The following KIF3C variants were observed in gnomAD, a reference collection of about 807,000 sequenced individuals.
The protein encoded by KIF3C is kinesin-like protein KIF3C.
KIF3C carries 12 observed loss-of-function variants against 67.7 expected under a neutral mutation model. The observed-to-expected ratio is 0.18, with a 90% confidence interval of 0.11 to 0.29. The LOEUF (loss-of-function observed/expected upper bound fraction) is 0.29, where lower values mean the gene tolerates loss of function less well. Ranked by LOEUF, KIF3C falls within the 10% of genes least tolerant of loss-of-function variation. The pLI is 1.00. For missense variants in KIF3C, 789 were observed against 1,059.6 expected, an observed-to-expected ratio of 0.74 and a Z score of 3.55; for synonymous variants, 393 against 426.2, an observed-to-expected ratio of 0.92 and a Z score of 0.96.
intron 1 of KIF3C, among the ~76,000 whole-genome samples, chr2:25,974,830 C>T (rs1435898860): frequency 6.6e-6 from 1 of 151,884 alleles, no homozygotes; most frequent in Non-Finnish European, 1.5e-5. Flanking sequence ...AGTTTGAGAC[C>T]AGCCTGACCA....
intron 1 of KIF3C, among the ~76,000 whole-genome samples, chr2:25,969,369 A>C (rs1310839166): frequency 2.6e-5 from 4 of 152,140 alleles, no homozygotes; most frequent in Non-Finnish European, 5.9e-5. Flanking sequence ...AATTCAGATT[A>C]ATTTTTGTTT....
Position 25,980,640 on chromosome 2 carries a change from C to T in KIF3C, c.1278G>A (p.Val426=), listed in dbSNP as rs182109310. ...SAPPGYPEGP[V]IEAWVAEEED... The stretch of plus-strand genomic sequence containing the variant: ...CCTCTTCTGCCACCCAGGCCTCAAT[C>T]ACTGGGCCCTCAGGGTACCCAGGCG... The change falls in exon 1 of 8, where the codon GTG becomes GTA. Residue 426 remains valine, a synonymous_variant. Transcript: ENST00000264712. This position sits in a 1 kb window ranked among gnomAD's most constrained non-coding sequence, Gnocchi z 7.6. The T allele has an allele frequency of 1.3e-5, 21 of 1,614,062 alleles. No homozygotes were observed. The Admixed American group carries it at 3.5e-4, about 27-fold the overall frequency.
intron 1 of KIF3C, among the ~76,000 whole-genome samples, chr2:25,964,626 C>T (rs373906644): frequency 1.3e-4 from 20 of 152,112 alleles, no homozygotes; most frequent in South Asian, 4.2e-4. Context: ...GCCAGCATGC[C>T]GGCTAATTTT....
chr2:25,943,642 G>A (rs1375460876), intron 5 of KIF3C, among the ~76,000 whole-genome samples: 4 of 152,136 alleles, frequency 2.6e-5, no homozygotes, highest in African/African-American at 4.8e-5. Flanking sequence ...TCGGGAGTTC[G>A]AGACCAGCCT....
At chr2:25,948,742 A>AAGGG (rs375139696) in intron 5 of KIF3C, among the ~76,000 whole-genome samples, 10 of 141,486 alleles carry the variant, frequency 7.1e-5, no homozygotes, top group South Asian at 2.6e-4. Context: ...GGAAGGAATG[A>AAGGG]AGGGAGGGAG....
At chr2:25,941,779 C>G (rs1478319199) in intron 5 of KIF3C, among the ~76,000 whole-genome samples, 1 of 152,090 alleles carries the variant, frequency 6.6e-6, no homozygotes, top group African/African-American at 2.4e-5. Context: ...GAGGTCCCAG[C>G]TACCCAGGAG....
rs940417388 is a variant in KIF3C at position 25,955,348 on chromosome 2, G to A, written c.1770+193C>T. Among the ~76,000 whole-genome samples, 2 of 152,040 alleles carry A rather than the reference G, an allele frequency of 1.3e-5. No individual in the cohort carries two copies. ...CCTGTCATAGCCCACCCTGGCCCAGGAGAAAAGGCTCTACTCCACCCCCAG... is the reference window on the plus strand; with the variant it reads ...CCTGTCATAGCCCACCCTGGCCCAGAAGAAAAGGCTCTACTCCACCCCCAG... On this transcript the variant is annotated intron_variant, in intron 3 of 7. Transcript: ENST00000264712. This position sits in a 1 kb window ranked among gnomAD's most constrained non-coding sequence, Gnocchi z 5.0.
chr2:25,981,408 G>C lies in KIF3C; in HGVS notation c.510C>G (p.Asn170Lys). ...EPGKRLELKE[N>K]PETGVYIKDL... ...CCTTGATGTAGACGCCAGTCTCGGG[G>C]TTCTCTTTCAGCTCTAGCCTCTTGC... Residue 170 changes from asparagine to lysine, a missense_variant, in exon 1 of 8, where the codon AAC (asparagine) becomes AAG (lysine). Physicochemically the swap from Asn to Lys is moderately conservative, Grantham distance 94 (BLOSUM62 0). Transcript: ENST00000264712. The surrounding 1 kb of genome is among the most constrained non-coding windows in gnomAD (Gnocchi z 8.2). 2.5e-6 allele frequency: 4 copies of C among 1,614,248 alleles called. No individual in the cohort carries two copies. Among genetic ancestry groups the C allele is most frequent in the Non-Finnish European group, 3.4e-6 (4 of 1,180,042 alleles).
intron 5 of KIF3C, among the ~76,000 whole-genome samples, chr2:25,950,258 C>T: frequency 6.7e-6 from 1 of 149,350 alleles, no homozygotes. Context: ...GCTCTTGTTG[C>T]CCAGGCTGGA....
chr2:25,978,693 C>A (rs1321006814), intron 1 of KIF3C, among the ~76,000 whole-genome samples: 1 of 152,124 alleles, frequency 6.6e-6, no homozygotes, highest in Non-Finnish European at 1.5e-5. Flanking sequence ...CTCAGGCAGC[C>A]GAAGTGTGTT....
intron 1 of KIF3C, among the ~76,000 whole-genome samples, chr2:25,962,524 G>A (rs553119271): frequency 2.5e-4 from 38 of 150,674 alleles, no homozygotes; most frequent in Admixed American, 6.7e-4. Context: ...GATTACAGGC[G>A]CGCACCACCA....
At chr2:25,957,161 T>G (rs1260934909) in intron 1 of KIF3C, among the ~76,000 whole-genome samples, 1 of 152,204 alleles carries the variant, frequency 6.6e-6, no homozygotes, top group Non-Finnish European at 1.5e-5. Context: ...GAGCTAAGCC[T>G]TTAACACCAT....
Position 25,980,774 on chromosome 2 carries a change from C to T in KIF3C, c.1144G>A (p.Glu382Lys), listed in dbSNP as rs1664551466. The change falls in exon 1 of 8, where the codon GAA (glutamate) becomes AAA (lysine). Residue 382 changes from glutamate (E) to lysine (K), a missense_variant. By Grantham distance (56) the Glu-to-Lys change is moderately conservative. Coordinates refer to ENST00000264712, the MANE Select transcript of KIF3C (RefSeq NM_002254.8). This position sits in a 1 kb window ranked among gnomAD's most constrained non-coding sequence, Gnocchi z 7.6. Reference protein sequence around the residue: ...NEDPKDTLLREFQEEIARLKA... With the variant: ...NEDPKDTLLRKFQEEIARLKA... ...AGGCGGGCAATCTCCTCTTGGAATT[C>T]CCGCAGCAGTGTGTCCTTGGGGTCC... 4 of 1,614,086 alleles carry T rather than the reference C, an allele frequency of 2.5e-6. No individual in the cohort carries two copies. Among genetic ancestry groups the T allele is most frequent in the Non-Finnish European group, 2.5e-6 (3 of 1,180,038 alleles).
intron 1 of KIF3C, among the ~76,000 whole-genome samples, chr2:25,975,122 A>G (rs1664379638): frequency 6.6e-6 from 1 of 151,322 alleles, no homozygotes; most frequent in Non-Finnish European, 1.5e-5. Flanking sequence ...GGACTCTGTC[A>G]CCTCAAATGT....
chr2:25,981,012 G>A lies in KIF3C; in HGVS notation c.906C>T (p.Asn302=), dbSNP rs968735419. 3 of 1,614,204 alleles carry A rather than the reference G, an allele frequency of 1.9e-6. No individual in the cohort carries two copies. Among genetic ancestry groups the A allele is most frequent in the African/African-American group, 1.3e-5 (1 of 75,062 alleles). The change falls in exon 1 of 8, where the codon AAC becomes AAT. Residue 302 remains asparagine, a synonymous_variant. Transcript: ENST00000264712. This position sits in a 1 kb window ranked among gnomAD's most constrained non-coding sequence, Gnocchi z 8.2. Reference sequence around the variant, plus strand: ...TGTTGCCCGCCAGGGCAGCAATCACGTTGCCCAGGGCAGATAATGAGAGGT... The same window carrying A: ...TGTTGCCCGCCAGGGCAGCAATCACATTGCCCAGGGCAGATAATGAGAGGT... The part of the protein sequence containing the change: ...KINLSLSALG[N]VIAALAGNRS...
chr2:25,961,815 T>A (rs1663950963), intron 1 of KIF3C, among the ~76,000 whole-genome samples: 1 of 152,162 alleles, frequency 6.6e-6, no homozygotes, highest in South Asian at 2.1e-4. Flanking sequence ...CCGGGCGCAG[T>A]GGCTCAAGCC....
At chr2:25,954,105 GA>G (rs1486608890) in intron 4 of KIF3C, 161 bp downstream of exon 4, 1 of 665,324 alleles carries the variant, frequency 1.5e-6, no homozygotes, top group African/African-American at 1.8e-5. Context: ...GGAGGTAGAA[GA>G]AACTCCAGCA....
intron 6 of KIF3C, 44 bp downstream of exon 6, chr2:25,929,911 C>G: frequency 1.4e-6 from 2 of 1,391,764 alleles, no homozygotes; most frequent in South Asian, 1.2e-5. Flanking sequence ...ACACCTCGCC[C>G]GGCCTCCCTC....
At chr2:25,940,614 G>A (rs1663257541) in intron 5 of KIF3C, among the ~76,000 whole-genome samples, 1 of 145,136 alleles carries the variant, frequency 6.9e-6, no homozygotes, top group South Asian at 2.2e-4. Context: ...AAGGCCACTA[G>A]TAAGTGGCAG....
Sources: allele counts gnomAD v4.1 joint callset (sites outside exome capture counted in the v4.1 genomes callset), GRCh38; gene constraint gnomAD v4.1.1; non-coding constraint Gnocchi (gnomAD v3.1); transcripts MANE v1.5; gene names NCBI Gene and HGNC (gene_info 2026-07-23, HGNC 2026-07-21).